IDO1: variants seen among roughly 807,000 people sequenced by gnomAD.
IDO1 encodes the protein indolamine 2,3 dioxygenase.
Under a neutral mutation model 38.8 loss-of-function variants are expected in IDO1, and 35 were observed. The ratio of observed to expected loss-of-function variants is 0.90; its 90% confidence interval spans 0.69 to 1.20. The LOEUF (loss-of-function observed/expected upper bound fraction) is 1.20. IDO1 is among the 50% of genes most tolerant of loss of function. IDO1 has a pLI of 0.00. For synonymous variants in IDO1, 171 were observed against 170.0 expected (o/e 1.01, Z -0.05); for missense variants, 509 against 485.1 (o/e 1.05, Z -0.46).
chr8:39,922,964 A>T (rs1807297027), intron 6 of IDO1: 1 of 297,896 alleles, frequency 3.4e-6, no homozygotes, highest in Admixed American at 4.7e-5. Context: ...GAAATGAAAC[A>T]TATACAACTA....
rs1256202084 is a variant in IDO1 at position 39,928,230 on chromosome 8, A to T, written c.*45A>T. On this transcript the variant is annotated 3_prime_UTR_variant, in exon 10 of 10. Coordinates refer to ENST00000518237, the MANE Select transcript of IDO1 (RefSeq NM_002164.6). ...ATTTTATCATAGCAGAGACATCTGT[A>T]TGCATTCCTGTCATTACCCATTGTA... 7.4e-7 allele frequency: 1 copy of T among 1,351,592 alleles called. No individual in the cohort carries two copies. The highest frequency in any genetic ancestry group is 1.4e-5 in the African/African-American group (1 of 69,196). 83.7% of individuals were successfully genotyped at this position (1,351,592 alleles called of 1,614,324 possible).
In IDO1 at chr8:39,927,917, C is replaced by T; in HGVS notation, c.944C>T (p.Ser315Leu). ...NFLCSLESNP[S>L]VREFVLSKGD... ...CTGTGCTCATTAGAGTCAAATCCCT[C>T]AGTCCGTGAGTTTGTCCTTTCAAAA... The change falls in exon 10 of 10, where the codon TCA (serine) becomes TTA (leucine). Residue 315 changes from serine (S) to leucine (L), a missense_variant. Coordinates refer to ENST00000518237, the MANE Select transcript of IDO1 (RefSeq NM_002164.6). 1.2e-6 allele frequency: 2 copies of T among 1,607,202 alleles called. No individual in the cohort carries two copies. The highest frequency in any genetic ancestry group is 1.7e-6 in the Non-Finnish European group (2 of 1,176,668).
rs144836646 is a variant in IDO1 at position 39,923,576 on chromosome 8, C to T, written c.645C>T (p.His215=). ...TGGAGAAAGCCCTTCAAGTGTTTCA[C>T]CAAATCCACGGCAAGTGTTGTGTGC... ...SCLEKALQVF[H]QIHDHVNPKA... is the part of the protein sequence containing the mutation. Residue 215 remains histidine, a synonymous_variant, in exon 7 of 10, where the codon CAC becomes CAT. Coordinates refer to ENST00000518237, the MANE Select transcript of IDO1 (RefSeq NM_002164.6). 37 of 1,600,406 alleles carry T rather than the reference C, an allele frequency of 2.3e-5. No individual in the cohort carries two copies. The African/African-American group carries it at 4.8e-4, about 21-fold the overall frequency.
At chr8:39,927,333 G>C (rs1807377293) in intron 9 of IDO1, among the ~76,000 whole-genome samples, 1 of 152,180 alleles carries the variant, frequency 6.6e-6, no homozygotes. Context: ...GGCTGAGGCA[G>C]GTGGATCATC....
At chr8:39,922,715 G>A in intron 6 of IDO1, 64 bp downstream of exon 6, 2 of 1,037,478 alleles carry the variant, frequency 1.9e-6, no homozygotes, top group Non-Finnish European at 3.0e-6. Flanking sequence ...TCACTTCGGA[G>A]CCTAAACTAT....
chr8:39,928,300 A>G lies in IDO1; in HGVS notation c.*115A>G, dbSNP rs112777448. On this transcript the variant is annotated 3_prime_UTR_variant, in exon 10 of 10. Coordinates refer to ENST00000518237, the MANE Select transcript of IDO1 (RefSeq NM_002164.6). Reference sequence around the variant, plus strand: ...CTATGCAATGTTTTACCAATAATGCAATACAAAAGACCTCAAAATACCTGT... The same window carrying G: ...CTATGCAATGTTTTACCAATAATGCGATACAAAAGACCTCAAAATACCTGT... 10 of 694,936 alleles carry G rather than the reference A, an allele frequency of 1.4e-5. No homozygotes were observed. In the African/African-American group the frequency reaches 1.6e-4, roughly 11 times the overall value. 43.0% of individuals were successfully genotyped at this position (694,936 alleles called of 1,614,324 possible). A position where few individuals can be genotyped will look rare whatever the true frequency, so the allele number is the denominator to read the frequency against.
intron 9 of IDO1, among the ~76,000 whole-genome samples, chr8:39,927,286 C>T (rs1423256097): frequency 5.9e-5 from 9 of 152,166 alleles, no homozygotes; most frequent in Admixed American, 3.9e-4. Flanking sequence ...AAAGGCCAGG[C>T]GCGGTGGCTC....
chr8:39,927,104 T>A (rs1223322569), intron 9 of IDO1, among the ~76,000 whole-genome samples: 2 of 152,192 alleles, frequency 1.3e-5, no homozygotes, highest in African/African-American at 2.4e-5. Context: ...CATCTACCAT[T>A]GATGGGCACC....
At chr8:39,923,446 T>C in intron 6 of IDO1, 23 bp from the exon 7 acceptor site, 1 of 1,284,218 alleles carries the variant, frequency 7.8e-7, no homozygotes. Flanking sequence ...CTTAAATGTT[T>C]GTGTTTTGTT....
rs147265958 is a variant in IDO1 at position 39,920,014 on chromosome 8, T to G, written c.423-86T>G. ...CCTCTGATAGTAGCATTCAATCAAATAGCAACAACTCATCATTATTTGATG... is the reference window on the plus strand; with the variant it reads ...CCTCTGATAGTAGCATTCAATCAAAGAGCAACAACTCATCATTATTTGATG... On this transcript the variant is annotated intron_variant, in intron 4 of 9. Transcript: ENST00000518237. 1,999 of 1,188,338 alleles carry G rather than the reference T, an allele frequency of 1.7e-3. 44 individuals carry two copies. In the Admixed American group the frequency reaches 0.03, roughly 18 times the overall value. 73.6% of individuals were successfully genotyped at this position (1,188,338 alleles called of 1,614,324 possible).
At position 39,920,133 on chromosome 8, in the gene IDO1, T is replaced by C. The variant is rs759529179; in HGVS notation, c.437+19T>C. The C allele has an allele frequency of 6.3e-6, 10 of 1,594,280 alleles. No homozygotes were observed. Among genetic ancestry groups the C allele is most frequent in the African/African-American group, 1.3e-5 (1 of 74,388 alleles). On this transcript the variant is annotated intron_variant, in intron 5 of 9. Transcript: ENST00000518237. Reference sequence around the variant, plus strand: ...CTTATGAGTAAGTATCTGATTCTTGTTTGATTCTAAGAATTATTTGTTACT... The same window carrying C: ...CTTATGAGTAAGTATCTGATTCTTGCTTGATTCTAAGAATTATTTGTTACT...
intron 1 of IDO1, among the ~76,000 whole-genome samples, chr8:39,916,461 G>C (rs1320999573): frequency 1.3e-5 from 2 of 152,144 alleles, no homozygotes; most frequent in Non-Finnish European, 2.9e-5. Flanking sequence ...CTGGGTGACA[G>C]AGTGAGGCCC....
At position 39,924,715 on chromosome 8, in the gene IDO1, T is replaced by C; in HGVS notation, c.656-6T>C. 6.3e-7 allele frequency: 1 copy of C among 1,594,808 alleles called. No homozygotes were observed. The highest frequency in any genetic ancestry group is 1.1e-5 in the South Asian group (1 of 90,268). On this transcript the variant is annotated splice_region_variant and splice_polypyrimidine_tract_variant and intron_variant, in intron 7 of 9. Coordinates refer to ENST00000518237, the MANE Select transcript of IDO1 (RefSeq NM_002164.6). ...GCTTAATTAAACATATTCCATCTTT[T>C]TACAGATCATGTGAACCCAAAAGCA...
intron 9 of IDO1, 71 bp downstream of exon 9, chr8:39,925,442 C>T (rs1807345747): frequency 2.1e-6 from 3 of 1,399,086 alleles, no homozygotes; most frequent in Non-Finnish European, 2.9e-6. Flanking sequence ...CTACAAAGCA[C>T]CTTCCCATCA....
At chr8:39,927,708 A>C (rs1416101982) in intron 9 of IDO1, 122 bp from the exon 10 acceptor site, 2 of 521,032 alleles carry the variant, frequency 3.8e-6, no homozygotes, top group Non-Finnish European at 6.7e-6. Context: ...AAATAGAATG[A>C]CCTTGACCTC....
In IDO1 at chr8:39,928,625, C is replaced by T. The variant is rs191858087; in HGVS notation, c.*440C>T. ...GCGGGCACCTGTAGTCCCAGCTACT[C>T]GGGAGGCTGAGGCAGGAGAATGGCG... On this transcript the variant is annotated 3_prime_UTR_variant, in exon 10 of 10. Coordinates refer to ENST00000518237, the MANE Select transcript of IDO1 (RefSeq NM_002164.6). Among the ~76,000 whole-genome samples the T allele has an allele frequency of 7.9e-3, 1,191 of 150,438 alleles. 19 individuals carry two copies. The highest frequency in any genetic ancestry group is 0.028 in the African/African-American group (1,137 of 40,890).
chr8:39,914,219 A>G, intron 1 of IDO1: 1 of 465,252 alleles, frequency 2.1e-6, no homozygotes, highest in Middle Eastern at 5.4e-4. Context: ...TGCATTTCTT[A>G]CTTACCTAAC....
intron 8 of IDO1, 51 bp from the exon 9 acceptor site, chr8:39,925,172 G>C (rs1422236745): frequency 6.7e-7 from 1 of 1,492,730 alleles, no homozygotes; most frequent in East Asian, 2.3e-5. Flanking sequence ...CTGAAAATTA[G>C]CAATTAACCT....
intron 5 of IDO1, among the ~76,000 whole-genome samples, chr8:39,921,211 C>A (rs11995570): frequency 6.6e-6 from 1 of 151,262 alleles, no homozygotes; most frequent in African/African-American, 2.4e-5. Context: ...TTTTAAAGAT[C>A]GCTGGGAAAA....
Sources: gnomAD v4.1 joint callset for allele counts (sites outside exome capture counted in the v4.1 genomes callset) on GRCh38, gnomAD v4.1.1 for gene constraint, MANE v1.5 for transcripts, NCBI Gene and HGNC (gene_info 2026-07-23, HGNC 2026-07-21) for gene names.